Variants in JMJD1C observed in about 807,000 individuals in gnomAD.
The protein encoded by JMJD1C is jumonji domain containing 1C, also known as jumonji domain-containing protein 1C.
A neutral mutation model predicts 245.3 loss-of-function variants in JMJD1C; 31 were observed. That is an observed-to-expected ratio of 0.13 (90% CI 0.09 to 0.17). JMJD1C has a LOEUF of 0.17. Ranked by LOEUF, JMJD1C falls within the 10% of genes least tolerant of loss-of-function variation. The probability of loss-of-function intolerance (pLI) is 1.00; values close to 1 mark genes in which losing one functional copy is unlikely to be tolerated. For missense variants in JMJD1C, 2,691 were observed against 3,000.2 expected, an observed-to-expected ratio of 0.90 and a Z score of 2.41; for synonymous variants, 1,057 against 1,017.4, an observed-to-expected ratio of 1.04 and a Z score of -0.74.
chr10:63,466,481 A>G (rs1040677039), upstream of JMJD1C: 3 of 152,304 alleles, frequency 2.0e-5, no homozygotes, highest in East Asian at 5.8e-4. Context: ...CTTCAAGGGA[A>G]AACGAGGGGG....
At chr10:63,189,128 G>A (rs1844468437) in intron 18 of JMJD1C, 40 bp downstream of exon 18, 2 of 1,523,198 alleles carry the variant, frequency 1.3e-6, no homozygotes, top group Admixed American at 2.1e-5. Flanking sequence ...ATAAGCTTCA[G>A]TTCCACCAAG....
chr10:63,175,488 C>T (rs1160579695), intron 24 of JMJD1C, among the ~76,000 whole-genome samples: 1 of 152,160 alleles, frequency 6.6e-6, no homozygotes, highest in African/African-American at 2.4e-5. Context: ...CAATTATTAT[C>T]ACCTAAGTAG....
chr10:63,438,969 A>C (rs554433705), intron 1 of JMJD1C, among the ~76,000 whole-genome samples: 1 of 152,178 alleles, frequency 6.6e-6, no homozygotes, highest in South Asian at 2.1e-4. Flanking sequence ...ACTGATTTCC[A>C]TAAGGGCAGC....
chr10:63,365,109 T>A (rs1945727288), intron 2 of JMJD1C, among the ~76,000 whole-genome samples: 1 of 152,220 alleles, frequency 6.6e-6, no homozygotes, highest in South Asian at 2.1e-4. Context: ...TGTTTTCTCA[T>A]ACAACGCCTT....
intron 2 of JMJD1C, among the ~76,000 whole-genome samples, chr10:63,267,958 A>G (rs1386024813): frequency 6.6e-6 from 1 of 152,052 alleles, no homozygotes; most frequent in African/African-American, 2.4e-5. Flanking sequence ...CCCGAAAAAC[A>G]TTTTTAAAAT....
chr10:63,309,854 T>C (rs7922587), intron 2 of JMJD1C, among the ~76,000 whole-genome samples: 64,687 of 151,900 alleles, frequency 0.43, 14,397 homozygotes, highest in South Asian at 0.53. Context: ...GAGGTGGAGG[T>C]TGCCGTGAGC....
rs1343879818 is a variant in JMJD1C at position 63,215,295 on chromosome 10, T to C, written c.983A>G (p.Lys328Arg). ...TGATATATAATCATATTTTTCCTCC[T>C]TCATCTTCTCTTCATCTGGTATACT... ...DSSIPDEEKM[K>R]EEKYDYISRG... Residue 328 changes from lysine to arginine, a missense_variant, in exon 7 of 26, where the codon AAG (lysine) becomes AGG (arginine). Around this residue, in one of 9 missense-constraint regions of JMJD1C, gnomAD observed 1,562 missense variants for 1,490.7 expected, o/e 1.05. Transcript: ENST00000399262. The C allele has an allele frequency of 1.2e-6, 2 of 1,613,024 alleles. No individual in the cohort carries two copies. Among genetic ancestry groups the C allele is most frequent in the Non-Finnish European group, 1.7e-6 (2 of 1,179,846 alleles).
intron 1 of JMJD1C, among the ~76,000 whole-genome samples, chr10:63,430,289 G>T (rs1950671360): frequency 6.6e-6 from 1 of 152,164 alleles, no homozygotes; most frequent in Non-Finnish European, 1.5e-5. Context: ...TTGGGCAATG[G>T]TTTCTTAGAT....
intron 22 of JMJD1C, among the ~76,000 whole-genome samples, chr10:63,178,276 A>G (rs191936843): frequency 9.5e-4 from 145 of 152,320 alleles, no homozygotes; most frequent in Admixed American, 2.8e-3. Context: ...AAACACAGTT[A>G]TATGTTCATA....
chr10:63,231,564 CGGG>C (rs1849996357), intron 3 of JMJD1C, among the ~76,000 whole-genome samples: 1 of 152,064 alleles, frequency 6.6e-6, no homozygotes, highest in African/African-American at 2.4e-5. Context: ...GAGGCCACGG[CGGG>C]CAGATCACTT....
intron 2 of JMJD1C, among the ~76,000 whole-genome samples, chr10:63,357,432 A>G (rs560248768): frequency 1.6e-4 from 24 of 152,132 alleles, no homozygotes; most frequent in African/African-American, 5.8e-4. Flanking sequence ...CAGCTTCCTC[A>G]GTAGCTGGGA....
At chr10:63,202,187 G>C (rs1312683402) in intron 10 of JMJD1C, 1 of 479,718 alleles carries the variant, frequency 2.1e-6, no homozygotes, top group African/African-American at 2.1e-5. Context: ...CCAGGGGGCG[G>C]AAGTTGCAGT....
chr10:63,252,428 G>C (rs182351582), intron 3 of JMJD1C, among the ~76,000 whole-genome samples: 2 of 151,136 alleles, frequency 1.3e-5, no homozygotes, highest in African/African-American at 4.9e-5. Flanking sequence ...TAAGAAAAAA[G>C]ACTAAGGTCT....
chr10:63,422,689 C>T (rs1950192918), intron 1 of JMJD1C, among the ~76,000 whole-genome samples: 1 of 152,096 alleles, frequency 6.6e-6, no homozygotes, highest in Admixed American at 6.5e-5. Context: ...CAATAATATG[C>T]TTCCTGAATT....
chr10:63,438,344 A>C (rs1951174988), intron 1 of JMJD1C, among the ~76,000 whole-genome samples: 1 of 152,158 alleles, frequency 6.6e-6, no homozygotes, highest in African/African-American at 2.4e-5. Flanking sequence ...TGTGTTGGAA[A>C]TAAATATGAA....
At chr10:63,262,583 T>A (rs938678492) in intron 3 of JMJD1C, among the ~76,000 whole-genome samples, 1 of 152,216 alleles carries the variant, frequency 6.6e-6, no homozygotes, top group Admixed American at 6.5e-5. Context: ...TCATGTTAAT[T>A]CCTACTGATT....
chr10:63,284,157 C>T (rs905291309), intron 2 of JMJD1C, among the ~76,000 whole-genome samples: 1 of 151,884 alleles, frequency 6.6e-6, no homozygotes, highest in Non-Finnish European at 1.5e-5. Context: ...TCCTGAGTAA[C>T]AGGGATACAG....
intron 1 of JMJD1C, among the ~76,000 whole-genome samples, chr10:63,474,104 TAATAAATA>T (rs146201242): frequency 2.4e-4 from 36 of 151,012 alleles, no homozygotes; most frequent in East Asian, 5.8e-4. Context: ...AAAATAATAA[TAATAAATA>T]AATAAATAAA....
At chr10:63,327,320 T>C (rs548969537) in intron 2 of JMJD1C, among the ~76,000 whole-genome samples, 6 of 152,334 alleles carry the variant, frequency 3.9e-5, no homozygotes, top group African/African-American at 1.4e-4. Flanking sequence ...ATTCCAATAC[T>C]TTGCTTCATC....
Sources: allele counts gnomAD v4.1 joint callset (sites outside exome capture counted in the v4.1 genomes callset), GRCh38; gene constraint gnomAD v4.1.1; regional missense constraint gnomAD v4.1.1; transcripts MANE v1.5; gene names NCBI Gene and HGNC (gene_info 2026-07-23, HGNC 2026-07-21).